The following HLF variants were observed in gnomAD, a reference collection of about 807,000 sequenced individuals.
HLF encodes the protein HLF transcription factor, PAR bZIP family member, also known as hepatic leukemia factor.
A neutral mutation model predicts 22.6 loss-of-function variants in HLF; 3 were observed. That is an observed-to-expected ratio of 0.13 (90% CI 0.06 to 0.34). HLF has a LOEUF of 0.34. Among genes scored for constraint, HLF ranks in the 10% least tolerant of loss-of-function variants. HLF has a pLI of 1.00. For synonymous variants in HLF, 151 were observed against 151.8 expected, an observed-to-expected ratio of 0.99 and a Z score of 0.04; for missense variants, 299 against 389.2, an observed-to-expected ratio of 0.77 and a Z score of 1.95.
Position 55,267,757 on chromosome 17 carries a change from GTAAAGA to G in HLF, c.129_134del (p.Asp45_Lys46del). On this transcript the variant is annotated inframe_deletion, in exon 2 of 4. Transcript: ENST00000226067. The stretch of plus-strand genomic sequence containing the variant: ...GCTTTCCCTTCTTCTGCAGCATTTA[GTAAAGA>G]TAAAGACAAGGAAAAGAAGCTGGAT... 2 of 1,563,466 alleles carry G rather than the reference GTAAAGA, an allele frequency of 1.3e-6. No homozygotes were observed. The highest frequency in any genetic ancestry group is 1.7e-6 in the Non-Finnish European group (2 of 1,150,376).
intron 2 of HLF, among the ~76,000 whole-genome samples, chr17:55,292,884 C>T (rs930347654): frequency 2.0e-5 from 3 of 152,104 alleles, no homozygotes; most frequent in Admixed American, 6.5e-5. Flanking sequence ...GTGAAATAAG[C>T]CATTCACAGG....
chr17:55,321,030 T>C lies in HLF; in HGVS notation c.*151T>C. 1.6e-6 allele frequency: 1 copy of C among 631,398 alleles called. No homozygotes were observed. The highest frequency in any genetic ancestry group is 2.8e-6 in the Non-Finnish European group (1 of 352,592). The allele number at this position is 631,398 out of a possible 1,614,324, so 39.1% of individuals were successfully genotyped here. A position where few individuals can be genotyped will look rare whatever the true frequency, so the allele number is the denominator to read the frequency against. On this transcript the variant is annotated 3_prime_UTR_variant, in exon 4 of 4. Transcript: ENST00000226067. Reference sequence around the variant, plus strand: ...ATTTTGGTGTGCATCTGTGTGTGTGTGCGTGTATATGTGCTTGTGCTCATG... The same window carrying C: ...ATTTTGGTGTGCATCTGTGTGTGTGCGCGTGTATATGTGCTTGTGCTCATG...
intron 3 of HLF, among the ~76,000 whole-genome samples, chr17:55,316,390 C>T (rs2145372478): frequency 6.6e-6 from 1 of 152,302 alleles, no homozygotes; most frequent in Non-Finnish European, 1.5e-5. Context: ...CACTCCTAGG[C>T]TGGGAAATAG....
In HLF at chr17:55,324,699, T is replaced by C. The variant is rs191803316; in HGVS notation, c.*3820T>C. On this transcript the variant is annotated 3_prime_UTR_variant, in exon 4 of 4. Transcript: ENST00000226067. Reference sequence around the variant, plus strand: ...GGTCTCCTCCACGTTTTTTCTGCAATTAATAATGTCATTTAAAAAATGAGC... The same window carrying C: ...GGTCTCCTCCACGTTTTTTCTGCAACTAATAATGTCATTTAAAAAATGAGC... 8.6e-6 allele frequency: 2 copies of C among 232,942 alleles called. No homozygotes were observed. The highest frequency in any genetic ancestry group is 6.0e-5 in the East Asian group (1 of 16,558). The allele number at this position is 232,942 out of a possible 1,614,324, so 14.4% of individuals were successfully genotyped here.
chr17:55,315,560 T>C (rs1035259397), intron 3 of HLF, 113 bp downstream of exon 3: 21 of 762,478 alleles, frequency 2.8e-5, no homozygotes, highest in East Asian at 2.4e-4. Context: ...GGATTTCTGA[T>C]TTCTGATCCT....
At chr17:55,314,135 G>A (rs1009777765) in intron 2 of HLF, among the ~76,000 whole-genome samples, 1 of 152,152 alleles carries the variant, frequency 6.6e-6, no homozygotes, top group East Asian at 1.9e-4. Flanking sequence ...AAAACTAGAA[G>A]TTAAAATTCA....
At chr17:55,308,301 A>C (rs767050356) in intron 2 of HLF, among the ~76,000 whole-genome samples, 3 of 152,240 alleles carry the variant, frequency 2.0e-5, no homozygotes, top group Non-Finnish European at 4.4e-5. Flanking sequence ...TTTACTTTCA[A>C]GTATCTCTGA....
intron 2 of HLF, among the ~76,000 whole-genome samples, chr17:55,269,296 C>T (rs1005226852): frequency 6.6e-6 from 1 of 152,176 alleles, no homozygotes; most frequent in Non-Finnish European, 1.5e-5. Context: ...AGGCCACTGG[C>T]TGGAATGGAA....
At position 55,277,815 on chromosome 17, in the gene HLF, T is replaced by A. The variant is rs570197435; in HGVS notation, c.451+9729T>A. ...CCTCCAGCTACATAGAGTAGACAAT[T>A]ACAGGAGTGTTGGCAGAATCGAGTG... On this transcript the variant is annotated intron_variant, in intron 2 of 3. Coordinates refer to ENST00000226067, the MANE Select transcript of HLF (RefSeq NM_002126.5). Among the ~76,000 whole-genome samples the A allele has an allele frequency of 1.1e-4, 17 of 152,316 alleles. No homozygotes were observed. In the East Asian group the frequency reaches 3.3e-3, roughly 29 times the overall value.
intron 2 of HLF, among the ~76,000 whole-genome samples, chr17:55,311,407 G>A (rs1046656993): frequency 2.0e-5 from 3 of 152,144 alleles, no homozygotes; most frequent in African/African-American, 7.2e-5. Flanking sequence ...GGGAGGCTGA[G>A]GCAGGAGAAT....
At chr17:55,319,758 A>G (rs990454324) in intron 3 of HLF, among the ~76,000 whole-genome samples, 4 of 152,034 alleles carry the variant, frequency 2.6e-5, no homozygotes, top group Non-Finnish European at 5.9e-5. Flanking sequence ...ACCAAAGTGT[A>G]TGTATCTATT....
Position 55,297,705 on chromosome 17 carries a change from C to T in HLF, c.452-17522C>T, listed in dbSNP as rs189701140. ...CCTCACCCCTTACACTCCCACCAAC[C>T]TGAGGACCACGTGTCTTCATCTAAC... On this transcript the variant is annotated intron_variant, in intron 2 of 3. Transcript: ENST00000226067. 2.0e-5 allele frequency among the ~76,000 whole-genome samples: 3 copies of T among 149,336 alleles called. No homozygotes were observed. The East Asian group carries it at 5.9e-4, about 30-fold the overall frequency.
intron 2 of HLF, among the ~76,000 whole-genome samples, chr17:55,299,879 G>A (rs549352007): frequency 6.6e-6 from 1 of 150,764 alleles, no homozygotes; most frequent in East Asian, 2.0e-4. Flanking sequence ...TGTTGCCTAG[G>A]CTGGAGTGCA....
Position 55,268,023 on chromosome 17 carries a change from G to A in HLF, c.388G>A (p.Ala130Thr). ...CTCGGTCATGGACCTCAGCAGCCGGGCCTCTGCACCCCTTCACCCTGGCAT... is the reference window on the plus strand; with the variant it reads ...CTCGGTCATGGACCTCAGCAGCCGGACCTCTGCACCCCTTCACCCTGGCAT... Reference protein sequence around the residue: ...APSVMDLSSRASAPLHPGIPS... With the variant: ...APSVMDLSSRTSAPLHPGIPS... Residue 130 changes from alanine to threonine, a missense_variant, in exon 2 of 4, where the codon GCC becomes ACC. Around this residue, in one of 3 missense-constraint regions of HLF, gnomAD observed 224 missense variants for 298.1 expected, o/e 0.75. Transcript: ENST00000226067. The A allele has an allele frequency of 6.2e-7, 1 of 1,610,764 alleles. No homozygotes were observed. Among genetic ancestry groups the A allele is most frequent in the Non-Finnish European group, 8.5e-7 (1 of 1,178,362 alleles).
intron 2 of HLF, chr17:55,283,422 C>G (rs566702104): frequency 6.6e-6 from 1 of 152,472 alleles, no homozygotes; most frequent in African/African-American, 2.4e-5. Flanking sequence ...TGGGGCAGTA[C>G]TGGTGCCTGG....
At position 55,267,934 on chromosome 17, in the gene HLF, G is replaced by C. The variant is rs377459438; in HGVS notation, c.299G>C (p.Ser100Thr). ...TTGTCAGAAAATGGCATTCCCCCCA[G>C]CCCATCTCAGCATGACCACAGCCCT... ...EFLSENGIPP[S>T]PSQHDHSPHP... The change falls in exon 2 of 4, where the codon AGC (serine) becomes ACC (threonine). Residue 100 changes from serine (S) to threonine (T), a missense_variant. Physicochemically the swap from Ser to Thr is moderately conservative, Grantham distance 58. Coordinates refer to ENST00000226067, the MANE Select transcript of HLF (RefSeq NM_002126.5). 4 of 1,613,942 alleles carry C rather than the reference G, an allele frequency of 2.5e-6. No individual in the cohort carries two copies. In the African/African-American group the frequency reaches 4.0e-5, roughly 16 times the overall value.
chr17:55,320,878 AG>A lies in HLF; in HGVS notation c.*1del. 1 of 1,609,200 alleles carries A rather than the reference AG, an allele frequency of 6.2e-7. No individual in the cohort carries two copies. Among genetic ancestry groups the A allele is most frequent in the Non-Finnish European group, 8.5e-7 (1 of 1,178,130 alleles). ...AKYEARHGPL[*>X] Reference sequence around the variant, plus strand: ...TATGAGGCCAGGCACGGGCCCCTGTAGGATGGCATTTTTGCAGGCTGGCTTT... The same window carrying A: ...TATGAGGCCAGGCACGGGCCCCTGTAGATGGCATTTTTGCAGGCTGGCTTT... On this transcript the variant is annotated frameshift_variant and stop_lost, in exon 4 of 4. Coordinates refer to ENST00000226067, the MANE Select transcript of HLF (RefSeq NM_002126.5). LOFTEE classifies it high-confidence loss of function. The surrounding 1 kb of genome is among the most constrained non-coding windows in gnomAD (Gnocchi z 4.2).
At position 55,322,239 on chromosome 17, in the gene HLF, C is replaced by T; in HGVS notation, c.*1360C>T. ...GGTGTTGTCACAAACTGTGGTTAAT[C>T]CAATCAATTTAAATGTTTACTATAG... On this transcript the variant is annotated 3_prime_UTR_variant, in exon 4 of 4. Coordinates refer to ENST00000226067, the MANE Select transcript of HLF (RefSeq NM_002126.5). 5.0e-6 allele frequency: 1 copy of T among 199,358 alleles called. No homozygotes were observed. Among genetic ancestry groups the T allele is most frequent in the Non-Finnish European group, 1.0e-5 (1 of 96,248 alleles). 12.3% of individuals were successfully genotyped at this position (199,358 alleles called of 1,614,324 possible).
At chr17:55,268,424 C>G (rs1474731049) in intron 2 of HLF, among the ~76,000 whole-genome samples, 1 of 152,186 alleles carries the variant, frequency 6.6e-6, no homozygotes, top group Non-Finnish European at 1.5e-5. Context: ...AAATAACTTA[C>G]AGTTAATGAT....
Sources: gnomAD v4.1 joint callset for allele counts (sites outside exome capture counted in the v4.1 genomes callset) on GRCh38, gnomAD v4.1.1 for gene constraint, gnomAD v4.1.1 regional missense constraint, Gnocchi (gnomAD v3.1) non-coding constraint, MANE v1.5 for transcripts, NCBI Gene and HGNC (gene_info 2026-07-23, HGNC 2026-07-21) for gene names.